The following PPHLN1 variants were observed in gnomAD, a reference collection of about 807,000 sequenced individuals.
The protein encoded by PPHLN1 is periphilin-1.
Under a neutral mutation model 51.3 loss-of-function variants are expected in PPHLN1, and 29 were observed. That is an observed-to-expected ratio of 0.57 (90% CI 0.42 to 0.77). The LOEUF is 0.77. Among genes scored for constraint, PPHLN1 ranks in the 30% least tolerant of loss-of-function variants. The pLI is 0.00. For missense variants in PPHLN1, 436 were observed against 438.4 expected, an observed-to-expected ratio of 0.99 and a Z score of 0.05; for synonymous variants, 147 against 147.8, an observed-to-expected ratio of 0.99 and a Z score of 0.04.
Position 42,423,313 on chromosome 12 carries a change from T to A in PPHLN1, c.910-18002T>A, listed in dbSNP as rs114020197. On this transcript the variant is annotated intron_variant, in intron 9 of 9. Coordinates refer to ENST00000358314, the MANE Select transcript of PPHLN1 (RefSeq NM_201439.2). ...CCACTGTACATAATGCCTTCAGAGATAAAAGTAAAATAATGAATTATTTTA... is the reference window on the plus strand; with the variant it reads ...CCACTGTACATAATGCCTTCAGAGAAAAAAGTAAAATAATGAATTATTTTA... 4.5e-3 allele frequency among the ~76,000 whole-genome samples: 692 copies of A among 152,212 alleles called. 3 individuals carry two copies. The highest frequency in any genetic ancestry group is 0.016 in the African/African-American group (650 of 41,558).
chr12:42,340,677 GA>G (rs1200114269), intron 2 of PPHLN1, among the ~76,000 whole-genome samples: 1 of 152,204 alleles, frequency 6.6e-6, no homozygotes, highest in Admixed American at 6.5e-5. Context: ...GTGACTGGGA[GA>G]CCGCACAATG....
intron 5 of PPHLN1, among the ~76,000 whole-genome samples, chr12:42,384,441 T>G (rs2077023787): frequency 6.6e-6 from 1 of 152,278 alleles, no homozygotes; most frequent in South Asian, 2.1e-4. Flanking sequence ...TATATCAAGA[T>G]TCTAAGTGTG....
intron 2 of PPHLN1, among the ~76,000 whole-genome samples, chr12:42,350,727 C>T (rs571778149): frequency 6.6e-6 from 1 of 152,190 alleles, no homozygotes; most frequent in Non-Finnish European, 1.5e-5. Context: ...CCTCGGGAGG[C>T]TGAGGCGGGC....
chr12:42,373,906 A>C (rs569936356), intron 4 of PPHLN1, among the ~76,000 whole-genome samples: 3 of 152,268 alleles, frequency 2.0e-5, no homozygotes, highest in Admixed American at 6.5e-5. Context: ...AGGGTTTCTC[A>C]GTGTTGGCAT....
At chr12:42,433,034 A>G in intron 9 of PPHLN1, 1 of 966,346 alleles carries the variant, frequency 1.0e-6, no homozygotes. Context: ...ATCCTCAGGA[A>G]AATCCACTGT....
At chr12:42,442,969 A>G (rs1193910924), downstream of PPHLN1, 2 of 532,958 alleles carry the variant, frequency 3.8e-6, no homozygotes, top group Non-Finnish European at 6.2e-6. Context: ...CTGGACCTAG[A>G]GCTTTGGGAA....
intron 1 of PPHLN1, among the ~76,000 whole-genome samples, chr12:42,330,960 C>T (rs914690448): frequency 3.9e-5 from 6 of 152,332 alleles, no homozygotes; most frequent in East Asian, 3.9e-4. Flanking sequence ...CCGCGCGCCT[C>T]GGCCTCCCAA....
downstream of PPHLN1, chr12:42,442,505 A>G: frequency 8.0e-7 from 1 of 1,243,046 alleles, no homozygotes; most frequent in Non-Finnish European, 1.1e-6. Context: ...TTCTGTCTGT[A>G]CCGAATAAAT....
downstream of PPHLN1, chr12:42,443,826 A>G (rs1398302872): frequency 6.6e-6 from 1 of 152,208 alleles, no homozygotes; most frequent in African/African-American, 2.4e-5. Context: ...TACTGACTTA[A>G]AAGACTGCTT....
intron 4 of PPHLN1, among the ~76,000 whole-genome samples, chr12:42,362,183 A>G (rs1014604370): frequency 2.6e-5 from 4 of 151,878 alleles, no homozygotes; most frequent in Admixed American, 6.6e-5. Context: ...GTTCATTTGT[A>G]TATCTTTGGA....
intron 9 of PPHLN1, among the ~76,000 whole-genome samples, chr12:42,416,198 C>T (rs2080368587): frequency 1.3e-5 from 2 of 152,284 alleles, no homozygotes; most frequent in South Asian, 4.1e-4. Context: ...GCCTCCTGTA[C>T]CCTTCATTCT....
chr12:42,398,741 A>G, intron 8 of PPHLN1, 113 bp from the exon 9 acceptor site: 1 of 876,052 alleles, frequency 1.1e-6, no homozygotes, highest in Non-Finnish European at 1.7e-6. Context: ...TTTTCTTAAA[A>G]CATGTTAAAT....
intron 4 of PPHLN1, among the ~76,000 whole-genome samples, chr12:42,362,199 GTC>G (rs1181453725): frequency 1.4e-4 from 22 of 152,048 alleles, no homozygotes; most frequent in Non-Finnish European, 2.8e-4. Flanking sequence ...TTGGAGTAAT[GTC>G]TGTTTTGAGT....
At chr12:42,399,231 A>G in intron 9 of PPHLN1, 1 of 1,120,444 alleles carries the variant, frequency 8.9e-7, no homozygotes. Flanking sequence ...GAATATTAAT[A>G]TTCTAGTTAG....
chr12:42,356,655 A>C (rs1351053293), intron 4 of PPHLN1, among the ~76,000 whole-genome samples: 2 of 152,228 alleles, frequency 1.3e-5, no homozygotes, highest in Admixed American at 6.5e-5. Context: ...TGCCGAAAAA[A>C]ATGCTTTGAT....
At chr12:42,447,989 A>G (rs1034051879), downstream of PPHLN1, 16 of 152,220 alleles carry the variant, frequency 1.1e-4, no homozygotes, top group African/African-American at 3.6e-4. Context: ...TTCTTCCCTC[A>G]TATGAGCAGT....
chr12:42,356,132 T>C (rs1319190683), intron 4 of PPHLN1, among the ~76,000 whole-genome samples: 1 of 152,220 alleles, frequency 6.6e-6, no homozygotes, highest in Non-Finnish European at 1.5e-5. Flanking sequence ...AGGAGCCTTG[T>C]AGAGATTTCT....
chr12:42,329,380 C>G (rs1273348779), intron 1 of PPHLN1, among the ~76,000 whole-genome samples: 4 of 152,126 alleles, frequency 2.6e-5, no homozygotes, highest in Admixed American at 2.6e-4. Flanking sequence ...GCTGGGATTA[C>G]AAGCGTGAGC....
chr12:42,420,669 G>GCCCCC (rs1188358414), intron 9 of PPHLN1, among the ~76,000 whole-genome samples: 3 of 23,362 alleles, frequency 1.3e-4, no homozygotes, highest in South Asian at 3.5e-3. Context: ...CTTCCCTCCC[G>GCCCCC]CCCTCCCCTC....
Sources: allele counts gnomAD v4.1 joint callset (sites outside exome capture counted in the v4.1 genomes callset), GRCh38; gene constraint gnomAD v4.1.1; transcripts MANE v1.5; gene names NCBI Gene and HGNC (gene_info 2026-07-23, HGNC 2026-07-21).